SLC14A2: variants seen among roughly 807,000 people sequenced by gnomAD.
The protein encoded by SLC14A2 is solute carrier family 14 member 2.
Under a neutral mutation model 104.6 loss-of-function variants are expected in SLC14A2, and 91 were observed. That is an observed-to-expected ratio of 0.87 (90% CI 0.73 to 1.04). SLC14A2 has a LOEUF of 1.04. Ranked by LOEUF, SLC14A2 falls within the 50% of genes least tolerant of loss-of-function variation. SLC14A2 has a pLI of 0.00. For synonymous variants in SLC14A2, 476 were observed against 466.4 expected (o/e 1.02, Z -0.27); for missense variants, 1,189 against 1,156.0 (o/e 1.03, Z -0.41).
intron 1 of SLC14A2, among the ~76,000 whole-genome samples, chr18:45,413,248 C>T (rs1015891066): frequency 2.4e-4 from 36 of 152,102 alleles, no homozygotes; most frequent in African/African-American, 8.4e-4. Flanking sequence ...TTTTCTTAAG[C>T]AAATTTGTTG....
At chr18:45,405,544 C>T (rs2086144604) in intron 1 of SLC14A2, among the ~76,000 whole-genome samples, 1 of 152,094 alleles carries the variant, frequency 6.6e-6, no homozygotes, top group East Asian at 1.9e-4. Flanking sequence ...ATTAAGTGTG[C>T]AATAGCATTG....
chr18:45,249,210 A>T (rs2084396632), intron 1 of SLC14A2, among the ~76,000 whole-genome samples: 1 of 152,144 alleles, frequency 6.6e-6, no homozygotes, highest in South Asian at 2.1e-4. Context: ...TATTTTATAT[A>T]AGTACATTTT....
chr18:45,332,074 A>G (rs549776453), intron 1 of SLC14A2, among the ~76,000 whole-genome samples: 1 of 152,208 alleles, frequency 6.6e-6, no homozygotes, highest in Non-Finnish European at 1.5e-5. Context: ...GTCTACTCTT[A>G]TCTCTCTTCT....
chr18:45,381,977 A>T (rs1339902172), intron 1 of SLC14A2, among the ~76,000 whole-genome samples: 3 of 152,182 alleles, frequency 2.0e-5, no homozygotes, highest in African/African-American at 7.2e-5. Context: ...TGCAAAAAAC[A>T]TGCAGTTTAT....
intron 1 of SLC14A2, among the ~76,000 whole-genome samples, chr18:45,279,538 T>C (rs1349571094): frequency 1.3e-5 from 2 of 152,138 alleles, no homozygotes; most frequent in Non-Finnish European, 1.5e-5. Context: ...TTGGGTTTTG[T>C]TGGGGGGTGG....
At chr18:45,369,140 C>T (rs2085696443) in intron 1 of SLC14A2, among the ~76,000 whole-genome samples, 1 of 152,176 alleles carries the variant, frequency 6.6e-6, no homozygotes. Context: ...GCTCATCTTT[C>T]CCTTTATGCA....
the SLC14A2 span, among the ~76,000 whole-genome samples, chr18:45,203,072 C>T: frequency 6.6e-6 from 1 of 152,230 alleles, no homozygotes; most frequent in South Asian, 2.1e-4. Context: ...TAATCAGGTC[C>T]TCACATATCA....
chr18:45,277,066 A>C (rs1172248404), intron 1 of SLC14A2, among the ~76,000 whole-genome samples: 1 of 152,254 alleles, frequency 6.6e-6, no homozygotes, highest in Non-Finnish European at 1.5e-5. Flanking sequence ...CATGGGAGCC[A>C]ATCAGTCATC....
intron 2 of SLC14A2, among the ~76,000 whole-genome samples, chr18:45,497,288 T>G (rs2043114180): frequency 6.6e-6 from 1 of 152,142 alleles, no homozygotes; most frequent in South Asian, 2.1e-4. Context: ...CATTCAACAG[T>G]TAATTCAACA....
chr18:45,628,000 C>CAAAAAAAAAAAAAAAA (rs58009345), intron 4 of SLC14A2, among the ~76,000 whole-genome samples: 1 of 83,598 alleles, frequency 1.2e-5, no homozygotes, highest in African/African-American at 4.4e-5. Context: ...AAGACTTTCT[C>CAAAAAAAAAAAAAAAA]AAAAAAAAAA....
At chr18:45,175,508 G>A in the SLC14A2 span, among the ~76,000 whole-genome samples, 3 of 152,066 alleles carry the variant, frequency 2.0e-5, no homozygotes, top group African/African-American at 7.2e-5. Flanking sequence ...TGGGCAGGTG[G>A]GGAAAAAGGA....
At chr18:45,583,063 T>G (rs979779981) in intron 2 of SLC14A2, among the ~76,000 whole-genome samples, 3 of 152,192 alleles carry the variant, frequency 2.0e-5, no homozygotes, top group Non-Finnish European at 2.9e-5. Context: ...CAATTATCCT[T>G]TGCTGGAAAG....
intron 4 of SLC14A2, among the ~76,000 whole-genome samples, chr18:45,628,708 T>C (rs1432993482): frequency 6.6e-6 from 1 of 152,212 alleles, no homozygotes; most frequent in East Asian, 1.9e-4. Flanking sequence ...AAAATAAAAC[T>C]GATGAGAGTT....
chr18:45,199,796 C>T, the SLC14A2 span, among the ~76,000 whole-genome samples: 1 of 152,136 alleles, frequency 6.6e-6, no homozygotes, highest in African/African-American at 2.4e-5. Flanking sequence ...GTGGCAATTC[C>T]ATTCTCAATG....
At chr18:45,640,242 C>T (rs1050321481) in intron 7 of SLC14A2, among the ~76,000 whole-genome samples, 5 of 151,548 alleles carry the variant, frequency 3.3e-5, no homozygotes, top group Non-Finnish European at 7.4e-5. Context: ...TACCACCTCA[C>T]TCCAGCCTGG....
rs2046015302 is a variant in SLC14A2 at position 45,665,943 on chromosome 18, G to A, written c.1475-194G>A. Among the ~76,000 whole-genome samples the A allele has an allele frequency of 2.0e-5, 3 of 152,134 alleles. No homozygotes were observed. In the South Asian group the frequency reaches 6.2e-4, roughly 32 times the overall value. Reference sequence around the variant, plus strand: ...TGTACACTTTTTCCCCAAAGCGAGGGCCCAGATGGATCCATGACCAGTAAA... The same window carrying A: ...TGTACACTTTTTCCCCAAAGCGAGGACCCAGATGGATCCATGACCAGTAAA... On this transcript the variant is annotated intron_variant, in intron 11 of 19. Coordinates refer to ENST00000255226, the MANE Select transcript of SLC14A2 (RefSeq NM_007163.4).
chr18:45,423,271 T>C (rs1024429278), intron 1 of SLC14A2, among the ~76,000 whole-genome samples: 1 of 152,236 alleles, frequency 6.6e-6, no homozygotes, highest in African/African-American at 2.4e-5. Context: ...ATCAAGATGC[T>C]ATATTATCAT....
chr18:45,509,566 A>C (rs974993436), intron 2 of SLC14A2, among the ~76,000 whole-genome samples: 1 of 152,368 alleles, frequency 6.6e-6, no homozygotes, highest in South Asian at 2.1e-4. Flanking sequence ...TGGTTGTGAC[A>C]GCATTTCAGG....
chr18:45,181,706 G>T, the SLC14A2 span, among the ~76,000 whole-genome samples: 1 of 152,140 alleles, frequency 6.6e-6, no homozygotes, highest in Non-Finnish European at 1.5e-5. Context: ...ATTGATAAAT[G>T]ATGTCTTCTG....
Sources: allele counts gnomAD v4.1 joint callset (sites outside exome capture counted in the v4.1 genomes callset), GRCh38; gene constraint gnomAD v4.1.1; transcripts MANE v1.5; gene names NCBI Gene and HGNC (gene_info 2026-07-23, HGNC 2026-07-21).